Variants in FRMD6 observed in about 807,000 individuals in gnomAD.
FRMD6 encodes FERM domain-containing protein 6.
A neutral mutation model predicts 73.2 loss-of-function variants in FRMD6; 37 were observed. That is an observed-to-expected ratio of 0.51 (90% CI 0.39 to 0.66). The LOEUF (loss-of-function observed/expected upper bound fraction) is 0.66, where lower values mean the gene tolerates loss of function less well. Among genes scored for constraint, FRMD6 ranks in the 30% least tolerant of loss-of-function variants. The pLI, the probability that FRMD6 is intolerant of heterozygous loss-of-function variation, is 0.00. For missense variants in FRMD6, 714 were observed against 780.5 expected (o/e 0.91, Z 1.02); for synonymous variants, 273 against 282.2 (o/e 0.97, Z 0.33).
the FRMD6 span, among the ~76,000 whole-genome samples, chr14:51,400,982 A>G: frequency 1.3e-5 from 2 of 152,268 alleles, no homozygotes; most frequent in African/African-American, 4.8e-5. Flanking sequence ...AGCCACTTCC[A>G]TAATTATTCC....
intron 1 of FRMD6, among the ~76,000 whole-genome samples, chr14:51,678,172 T>C (rs1894523794): frequency 6.6e-6 from 1 of 152,096 alleles, no homozygotes. Context: ...GAAGCTGAGA[T>C]AGAGAGGTGA....
intron 1 of FRMD6, among the ~76,000 whole-genome samples, chr14:51,531,209 A>G (rs1179517183): frequency 6.6e-6 from 1 of 152,160 alleles, no homozygotes; most frequent in Non-Finnish European, 1.5e-5. Context: ...ACACATTTAA[A>G]TCCTAGCAGT....
At chr14:51,721,749 A>AGTAAGGAG (rs1897612241) in intron 11 of FRMD6, among the ~76,000 whole-genome samples, 200 bp from the exon 12 acceptor site, 1 of 55,294 alleles carries the variant, frequency 1.8e-5, no homozygotes, top group African/African-American at 7.0e-5. Context: ...GAAGGAAGGG[A>AGTAAGGAG]GGAAGGAAGG....
chr14:51,446,226 T>C, the FRMD6 span, among the ~76,000 whole-genome samples: 1 of 152,218 alleles, frequency 6.6e-6, no homozygotes, highest in Non-Finnish European at 1.5e-5. Context: ...AGCTTTGAGC[T>C]GGGGCAGTGG....
At chr14:51,585,322 G>T (rs930415998) in intron 2 of FRMD6, among the ~76,000 whole-genome samples, 2 of 152,096 alleles carry the variant, frequency 1.3e-5, no homozygotes, top group Non-Finnish European at 2.9e-5. Context: ...ACTTAAATTT[G>T]TCCCAGCGGA....
At chr14:51,428,727 C>T in the FRMD6 span, among the ~76,000 whole-genome samples, 1 of 151,996 alleles carries the variant, frequency 6.6e-6, no homozygotes, top group Non-Finnish European at 1.5e-5. Context: ...ACCTCTCCCA[C>T]TAGGAGGTGG....
In FRMD6 at chr14:51,715,308, A is replaced by G. The variant is rs1897177385; in HGVS notation, c.850-17A>G. The G allele has an allele frequency of 2.7e-6, 4 of 1,481,682 alleles. No individual in the cohort carries two copies. The highest frequency in any genetic ancestry group is 2.7e-6 in the Non-Finnish European group (3 of 1,107,558). The allele number at this position is 1,481,682 out of a possible 1,614,324, so 91.8% of individuals were successfully genotyped here. A position where few individuals can be genotyped will look rare whatever the true frequency, so the allele number is the denominator to read the frequency against. On this transcript the variant is annotated splice_polypyrimidine_tract_variant and intron_variant, in intron 9 of 13. Transcript: ENST00000344768. ...AGATTTTTCTTCCTGAATTTGATTC[A>G]TGGTTTCCTTCCAAAGGGTAAGAAA...
intron 2 of FRMD6, chr14:51,570,483 T>C (rs1888071846): frequency 6.6e-6 from 1 of 152,208 alleles, no homozygotes; most frequent in Non-Finnish European, 1.5e-5. Context: ...AATCTAAAGA[T>C]GGTGTCAGCC....
At chr14:51,556,655 T>C (rs916573246) in intron 1 of FRMD6, among the ~76,000 whole-genome samples, 8 of 152,240 alleles carry the variant, frequency 5.3e-5, no homozygotes, top group Admixed American at 1.3e-4. Context: ...ATTTAGTCCG[T>C]TATTATGTCT....
intron 1 of FRMD6, among the ~76,000 whole-genome samples, chr14:51,671,650 G>C (rs1894013512): frequency 1.3e-5 from 2 of 152,152 alleles, no homozygotes; most frequent in African/African-American, 4.8e-5. Context: ...TTATGGTGAA[G>C]CTTGGGTGGA....
At chr14:51,474,978 T>G in the FRMD6 span, among the ~76,000 whole-genome samples, 1 of 152,222 alleles carries the variant, frequency 6.6e-6, no homozygotes, top group Non-Finnish European at 1.5e-5. Flanking sequence ...AATGAGAGGT[T>G]GCTCACTGGC....
At chr14:51,532,368 CAAAAAAA>C (rs35803305) in intron 1 of FRMD6, among the ~76,000 whole-genome samples, 4 of 117,836 alleles carry the variant, frequency 3.4e-5, no homozygotes, top group Non-Finnish European at 5.7e-5. Flanking sequence ...GACTCCATCT[CAAAAAAA>C]AAAAAAAAAA....
intron 2 of FRMD6, chr14:51,643,560 C>T (rs779821894): frequency 2.6e-5 from 4 of 152,030 alleles, no homozygotes; most frequent in Non-Finnish European, 4.4e-5. Context: ...GATTGGGACA[C>T]GAGACCACTC....
chr14:51,465,763 T>C, the FRMD6 span, among the ~76,000 whole-genome samples: 1 of 152,216 alleles, frequency 6.6e-6, no homozygotes, highest in Non-Finnish European at 1.5e-5. Flanking sequence ...GCAATGAACA[T>C]GTGCAAGTCT....
chr14:51,487,985 C>A (rs1882811317), upstream of FRMD6, among the ~76,000 whole-genome samples: 1 of 152,192 alleles, frequency 6.6e-6, no homozygotes, highest in Non-Finnish European at 1.5e-5. Flanking sequence ...GAGGGAAATG[C>A]TTGCTTTCGT....
At chr14:51,467,302 A>G in the FRMD6 span, among the ~76,000 whole-genome samples, 2 of 152,276 alleles carry the variant, frequency 1.3e-5, no homozygotes, top group Non-Finnish European at 2.9e-5. Context: ...ATAGATTAAC[A>G]GCATCCCAAG....
chr14:51,451,833 C>T, the FRMD6 span, among the ~76,000 whole-genome samples: 1 of 152,216 alleles, frequency 6.6e-6, no homozygotes, highest in African/African-American at 2.4e-5. Flanking sequence ...ATGCTTGTGC[C>T]ATTTTTCCCG....
chr14:51,554,743 TAAGGACACATCC>T (rs1460170369), intron 1 of FRMD6: 1 of 152,188 alleles, frequency 6.6e-6, no homozygotes, highest in African/African-American at 2.4e-5. Flanking sequence ...ACGAGGAGTC[TAAGGACACATCC>T]AATTTCCATT....
chr14:51,512,621 T>G (rs146069550), intron 1 of FRMD6, among the ~76,000 whole-genome samples: 1 of 152,152 alleles, frequency 6.6e-6, no homozygotes, highest in African/African-American at 2.4e-5. Flanking sequence ...TTTCTCTTTT[T>G]TTTTTTTGTG....
Sources: gnomAD v4.1 joint callset for allele counts (sites outside exome capture counted in the v4.1 genomes callset) on GRCh38, gnomAD v4.1.1 for gene constraint, MANE v1.5 for transcripts, NCBI Gene and HGNC (gene_info 2026-07-23, HGNC 2026-07-21) for gene names.